RERE: variants seen among roughly 807,000 people sequenced by gnomAD.
RERE encodes the protein arginine-glutamic acid dipeptide repeats protein.
Under a neutral mutation model 146.1 loss-of-function variants are expected in RERE, and 40 were observed. The observed-to-expected ratio is 0.27, with a 90% CI of 0.21 to 0.36. The LOEUF (loss-of-function observed/expected upper bound fraction) is 0.36, where lower values mean the gene tolerates loss of function less well. Among genes scored for constraint, RERE ranks in the 10% least tolerant of loss-of-function variants. The pLI, the probability that RERE is intolerant of heterozygous loss-of-function variation, is 1.00. For missense variants in RERE, 1,933 were observed against 2,138.7 expected (o/e 0.90, Z 1.90); for synonymous variants, 1,003 against 866.0 (o/e 1.16, Z -2.78).
At chr1:8,512,459 T>C (rs1645354408) in intron 7 of RERE, among the ~76,000 whole-genome samples, 1 of 152,084 alleles carries the variant, frequency 6.6e-6, no homozygotes, top group Non-Finnish European at 1.5e-5. Context: ...GGAGTGTGTC[T>C]TGGTGGTCCC....
At chr1:8,697,454 G>A (rs1201041968) in intron 1 of RERE, among the ~76,000 whole-genome samples, 4 of 138,886 alleles carry the variant, frequency 2.9e-5, no homozygotes, top group South Asian at 4.4e-4. Flanking sequence ...GTGCAGTGGC[G>A]TGATCTCAGC....
intron 8 of RERE, among the ~76,000 whole-genome samples, chr1:8,501,555 C>T (rs1415499438): frequency 2.9e-4 from 33 of 112,244 alleles, no homozygotes; most frequent in East Asian, 1.2e-3. Flanking sequence ...TCTGCCCGGT[C>T]GCCCCTACCG....
intron 4 of RERE, among the ~76,000 whole-genome samples, chr1:8,611,089 G>C (rs1176696139): frequency 1.3e-5 from 2 of 151,942 alleles, no homozygotes; most frequent in Non-Finnish European, 1.5e-5. Flanking sequence ...CAGCTACTCG[G>C]GAAGCTGAGG....
Position 8,456,457 on chromosome 1 carries a change from G to A in RERE, c.1203+9468C>T, listed in dbSNP as rs1056047994. 9.9e-5 allele frequency among the ~76,000 whole-genome samples: 15 copies of A among 152,222 alleles called. No individual in the cohort carries two copies. The South Asian group carries it at 1.0e-3, about 11-fold the overall frequency. On this transcript the variant is annotated intron_variant, in intron 11 of 22. Coordinates refer to ENST00000400908, the MANE Select transcript of RERE (RefSeq NM_001042681.2). ...TCTAAACCAGTTACAAAACAAAAAC[G>A]CTTCAATCTTGACACAATGAGCAGC...
chr1:8,373,613 G>A (rs942662954), intron 12 of RERE, among the ~76,000 whole-genome samples: 2 of 152,198 alleles, frequency 1.3e-5, no homozygotes, highest in African/African-American at 4.8e-5. Context: ...GTGGCCCTGA[G>A]AGCCGGTCCC....
intron 11 of RERE, among the ~76,000 whole-genome samples, chr1:8,458,714 A>G (rs1315802906): frequency 6.6e-6 from 1 of 152,228 alleles, no homozygotes. Context: ...TAAGAAAAGA[A>G]TAATCTTGTT....
At chr1:8,478,935 A>G (rs1644795931) in intron 10 of RERE, among the ~76,000 whole-genome samples, 1 of 152,212 alleles carries the variant, frequency 6.6e-6, no homozygotes, top group South Asian at 2.1e-4. Flanking sequence ...GTTATACATG[A>G]CAATTTTGTT....
chr1:8,633,082 A>G (rs141028407), intron 2 of RERE, among the ~76,000 whole-genome samples: 2 of 152,190 alleles, frequency 1.3e-5, no homozygotes, highest in African/African-American at 2.4e-5. Flanking sequence ...GGCATATATT[A>G]ATATATACTG....
At chr1:8,797,710 T>C (rs1641505178) in intron 1 of RERE, among the ~76,000 whole-genome samples, 1 of 152,232 alleles carries the variant, frequency 6.6e-6, no homozygotes, top group Non-Finnish European at 1.5e-5. Context: ...GTTTCAACTG[T>C]AAGTTACTTT....
intron 11 of RERE, among the ~76,000 whole-genome samples, chr1:8,437,688 CACAA>C (rs1301154107): frequency 2.0e-5 from 3 of 152,162 alleles, no homozygotes; most frequent in African/African-American, 4.8e-5. Flanking sequence ...AAATTACACA[CACAA>C]ACAGATTAGA....
At chr1:8,808,166 A>T (rs1300032721) in intron 1 of RERE, among the ~76,000 whole-genome samples, 1 of 151,632 alleles carries the variant, frequency 6.6e-6, no homozygotes, top group East Asian at 1.9e-4. Context: ...AAAAAAAAAA[A>T]AAAACCTCCT....
At chr1:8,630,401 G>A (rs542681683) in intron 2 of RERE, among the ~76,000 whole-genome samples, 9 of 151,724 alleles carry the variant, frequency 5.9e-5, no homozygotes, top group Non-Finnish European at 1.3e-4. Context: ...CAGAGACATG[G>A]TTTAAAAAAA....
At chr1:8,799,519 G>C (rs1006354201) in intron 1 of RERE, 2 of 174,420 alleles carry the variant, frequency 1.1e-5, no homozygotes, top group African/African-American at 4.8e-5. Context: ...GTTTCATTTA[G>C]GTTATTAAAT....
intron 10 of RERE, among the ~76,000 whole-genome samples, chr1:8,469,069 T>C (rs1019046742): frequency 1.3e-5 from 2 of 151,882 alleles, no homozygotes; most frequent in African/African-American, 4.8e-5. Context: ...TCTTTAAAAA[T>C]GGATAAAATA....
At chr1:8,541,389 G>A (rs77274268) in intron 6 of RERE, 71 bp from the exon 7 acceptor site, 2 of 887,726 alleles carry the variant, frequency 2.3e-6, no homozygotes, top group Non-Finnish European at 3.7e-6. Flanking sequence ...GGAGGGGGAA[G>A]GGTGGAGGAA....
chr1:8,516,267 T>C (rs1386076503), intron 7 of RERE, among the ~76,000 whole-genome samples: 1 of 126,910 alleles, frequency 7.9e-6, no homozygotes, highest in East Asian at 2.1e-4. Flanking sequence ...GTATTATAGT[T>C]ACATAACAAA....
chr1:8,595,711 C>T (rs888094871), intron 4 of RERE, among the ~76,000 whole-genome samples: 1 of 152,060 alleles, frequency 6.6e-6, no homozygotes, highest in African/African-American at 2.4e-5. Context: ...TGAGTTCTTA[C>T]AATACCTATC....
chr1:8,706,930 G>A (rs1178426105), intron 1 of RERE, among the ~76,000 whole-genome samples: 1 of 152,126 alleles, frequency 6.6e-6, no homozygotes, highest in East Asian at 1.9e-4. Context: ...AAAGTAATAG[G>A]AAGAATAATT....
chr1:8,412,647 T>C (rs1643645455), intron 12 of RERE, among the ~76,000 whole-genome samples: 1 of 152,264 alleles, frequency 6.6e-6, no homozygotes, highest in African/African-American at 2.4e-5. Context: ...CTGAGAAAAA[T>C]AAACAATGGA....
Sources: gnomAD v4.1 joint callset for allele counts (sites outside exome capture counted in the v4.1 genomes callset) on GRCh38, gnomAD v4.1.1 for gene constraint, MANE v1.5 for transcripts, NCBI Gene and HGNC (gene_info 2026-07-23, HGNC 2026-07-21) for gene names.